PLD5: variants seen among roughly 807,000 people sequenced by gnomAD.
PLD5 encodes the protein phospholipase D family member 5.
PLD5 carries 36 observed loss-of-function variants against 61.1 expected under a neutral mutation model. The observed-to-expected ratio is 0.59, with a 90% CI of 0.45 to 0.78. The LOEUF is 0.78. Ranked by LOEUF, PLD5 falls within the 30% of genes least tolerant of loss-of-function variation. PLD5 has a pLI of 0.00. For missense variants in PLD5, 515 were observed against 644.4 expected, an observed-to-expected ratio of 0.80 and a Z score of 2.17; for synonymous variants, 243 against 242.8, an observed-to-expected ratio of 1.00 and a Z score of -0.01.
intron 8 of PLD5, among the ~76,000 whole-genome samples, chr1:242,101,969 C>T (rs576396162): frequency 3.3e-5 from 5 of 152,308 alleles, no homozygotes; most frequent in Admixed American, 6.5e-5. Context: ...CCTATCACCA[C>T]GGTTATAGAC....
chr1:242,444,340 T>G (rs903473064), intron 1 of PLD5, among the ~76,000 whole-genome samples: 12 of 152,142 alleles, frequency 7.9e-5, no homozygotes, highest in Non-Finnish European at 1.6e-4. Flanking sequence ...TTCTATGTGC[T>G]TTAGTTTTCA....
chr1:242,269,925 T>C (rs1673957136), intron 3 of PLD5, among the ~76,000 whole-genome samples: 1 of 152,174 alleles, frequency 6.6e-6, no homozygotes, highest in Non-Finnish European at 1.5e-5. Flanking sequence ...GGGGTCTATT[T>C]TGAGGTGGCA....
intron 1 of PLD5, among the ~76,000 whole-genome samples, chr1:242,517,163 C>T (rs1240061922): frequency 6.7e-6 from 1 of 149,348 alleles, no homozygotes; most frequent in Non-Finnish European, 1.5e-5. Flanking sequence ...TGTCGTTACA[C>T]ATTTTCAATT....
chr1:242,473,547 A>G (rs1329929871), intron 1 of PLD5, among the ~76,000 whole-genome samples: 1 of 152,222 alleles, frequency 6.6e-6, no homozygotes, highest in Non-Finnish European at 1.5e-5. Flanking sequence ...GAGTATAGGT[A>G]TGCTCTATAA....
At chr1:242,316,186 C>G (rs774671382) in intron 2 of PLD5, among the ~76,000 whole-genome samples, 1 of 152,214 alleles carries the variant, frequency 6.6e-6, no homozygotes, top group African/African-American at 2.4e-5. Flanking sequence ...TGCCAGTTGT[C>G]ATTAGTATTT....
intron 3 of PLD5, among the ~76,000 whole-genome samples, chr1:242,274,481 G>A (rs574741856): frequency 7.3e-4 from 111 of 152,298 alleles, no homozygotes; most frequent in Admixed American, 2.4e-3. Flanking sequence ...TTGGCCAGGC[G>A]TGGTGGCTCA....
chr1:242,445,594 G>A (rs900553462), intron 1 of PLD5, among the ~76,000 whole-genome samples: 10 of 151,982 alleles, frequency 6.6e-5, no homozygotes, highest in Non-Finnish European at 1.3e-4. Context: ...CACCCGCCTC[G>A]GCCTCCCAAA....
chr1:242,290,299 G>A (rs1171959039), intron 2 of PLD5, among the ~76,000 whole-genome samples: 6 of 144,222 alleles, frequency 4.2e-5, no homozygotes, highest in Admixed American at 2.1e-4. Context: ...CTTGAAATTC[G>A]TCTTCAAAGA....
intron 5 of PLD5, among the ~76,000 whole-genome samples, chr1:242,179,372 G>A (rs1393389075): frequency 2.6e-5 from 4 of 152,154 alleles, no homozygotes; most frequent in Admixed American, 6.6e-5. Flanking sequence ...AGCTCTGTTG[G>A]TTTATCTGGT....
At position 242,381,524 on chromosome 1, in the gene PLD5, T is replaced by A. The variant is rs572517942; in HGVS notation, c.190-33282A>T. 3.5e-4 allele frequency among the ~76,000 whole-genome samples: 53 copies of A among 152,282 alleles called. 1 individual carries two copies. Among genetic ancestry groups the A allele is most frequent in the South Asian group, 1.7e-3 (8 of 4,824 alleles). ...TTTACCCATGTAACAAACCTGCACA[T>A]CCTGGACATGTACCCTGGAACTTAA... On this transcript the variant is annotated intron_variant, in intron 1 of 9. Coordinates refer to ENST00000536534, the MANE Select transcript of PLD5 (RefSeq NM_001372062.1).
At chr1:242,176,067 T>C (rs748955613) in intron 5 of PLD5, among the ~76,000 whole-genome samples, 3 of 152,116 alleles carry the variant, frequency 2.0e-5, no homozygotes, top group Non-Finnish European at 4.4e-5. Context: ...ACTTTCTTCA[T>C]AGAATCAGAA....
intron 1 of PLD5, among the ~76,000 whole-genome samples, chr1:242,498,143 T>C (rs999085599): frequency 9.2e-5 from 14 of 152,174 alleles, no homozygotes; most frequent in African/African-American, 3.4e-4. Flanking sequence ...TTTTATATTT[T>C]TAGTAGAGAC....
chr1:242,115,894 G>T (rs929914235), intron 6 of PLD5, among the ~76,000 whole-genome samples: 6 of 152,094 alleles, frequency 3.9e-5, no homozygotes, highest in African/African-American at 1.2e-4. Context: ...GCTTGAGGTG[G>T]TTTTCATCTT....
At chr1:242,283,563 A>T (rs1674843774) in intron 3 of PLD5, among the ~76,000 whole-genome samples, 1 of 152,244 alleles carries the variant, frequency 6.6e-6, no homozygotes, top group Non-Finnish European at 1.5e-5. Flanking sequence ...CTTTAAAAAA[A>T]TTAATGAAAA....
intron 9 of PLD5, among the ~76,000 whole-genome samples, chr1:242,091,410 G>GT (rs1358669960): frequency 6.6e-6 from 1 of 152,142 alleles, no homozygotes; most frequent in Non-Finnish European, 1.5e-5. Flanking sequence ...GCCATTTTCA[G>GT]TTCAGCTCCA....
intron 1 of PLD5, among the ~76,000 whole-genome samples, chr1:242,349,075 AC>A (rs974992193): frequency 6.6e-6 from 1 of 152,110 alleles, no homozygotes; most frequent in Non-Finnish European, 1.5e-5. Flanking sequence ...CAAACAAAAA[AC>A]ATCAGTCAAT....
chr1:242,142,073 C>T (rs1179220467), intron 5 of PLD5, among the ~76,000 whole-genome samples: 1 of 152,186 alleles, frequency 6.6e-6, no homozygotes, highest in African/African-American at 2.4e-5. Context: ...AGGACAGCAG[C>T]ATATTCCTTG....
At chr1:242,153,864 AAGTAG>A (rs1665134757) in intron 5 of PLD5, among the ~76,000 whole-genome samples, 1 of 152,084 alleles carries the variant, frequency 6.6e-6, no homozygotes, top group African/African-American at 2.4e-5. Flanking sequence ...ATGAAGTTTA[AAGTAG>A]TTTTTTCCAA....
intron 5 of PLD5, chr1:242,192,111 G>A (rs753598669): frequency 2.0e-5 from 3 of 152,226 alleles, no homozygotes; most frequent in Non-Finnish European, 4.4e-5. Flanking sequence ...TCAAGCCTGT[G>A]TATATAACTG....
Sources: allele counts gnomAD v4.1 joint callset (sites outside exome capture counted in the v4.1 genomes callset), GRCh38; gene constraint gnomAD v4.1.1; transcripts MANE v1.5; gene names NCBI Gene and HGNC (gene_info 2026-07-23, HGNC 2026-07-21).